Variants in SPATA9 observed in about 807,000 individuals in gnomAD.
SPATA9 encodes the protein spermatogenesis associated 9.
A neutral mutation model predicts 25.5 loss-of-function variants in SPATA9; 27 were observed. The observed-to-expected ratio is 1.06, with a 90% CI of 0.78 to 1.46. The LOEUF is 1.46. Ranked by LOEUF, SPATA9 falls within the 40% of genes most tolerant of loss-of-function variation. The pLI is 0.00. For synonymous variants in SPATA9, 102 were observed against 105.7 expected (o/e 0.97, Z 0.21); for missense variants, 282 against 297.5 (o/e 0.95, Z 0.38).
chr5:95,711,784 C>T, the SPATA9 span, among the ~76,000 whole-genome samples: 1 of 152,196 alleles, frequency 6.6e-6, no homozygotes, highest in Non-Finnish European at 1.5e-5. Flanking sequence ...TTGTGAATGG[C>T]GCATGAACGG....
intron 2 of SPATA9, 70 bp downstream of exon 2, chr5:95,682,458 A>G: frequency 1.8e-6 from 2 of 1,111,840 alleles, no homozygotes; most frequent in Non-Finnish European, 2.6e-6. Context: ...CAAGCATTAA[A>G]TAATGGGTAT....
chr5:95,663,093 T>C (rs933653424), intron 4 of SPATA9, among the ~76,000 whole-genome samples: 1 of 152,220 alleles, frequency 6.6e-6, no homozygotes, highest in East Asian at 1.9e-4. Flanking sequence ...GCAACCTTAT[T>C]CATAGTAGCC....
chr5:95,658,734 C>T lies in SPATA9; in HGVS notation c.654G>A (p.Glu218=). The T allele has an allele frequency of 2.5e-6, 4 of 1,613,808 alleles. No homozygotes were observed. Among genetic ancestry groups the T allele is most frequent in the Non-Finnish European group, 3.4e-6 (4 of 1,179,878 alleles). Residue 218 remains glutamate, a synonymous_variant, in exon 5 of 5, where the codon GAG becomes GAA. Coordinates refer to ENST00000274432, the MANE Select transcript of SPATA9 (RefSeq NM_031952.4). The stretch of plus-strand genomic sequence containing the variant: ...TGGGGTAATCTGAAATGTCTGGCTT[C>T]TCCGGCAATGACCTATAAGGTTTTG... ...IKAKPYRSLP[E]KPDISDYPKL...
upstream of SPATA9, among the ~76,000 whole-genome samples, chr5:95,700,321 AT>A (rs1301240088): frequency 1.3e-5 from 2 of 151,686 alleles, no homozygotes; most frequent in African/African-American, 4.8e-5. Flanking sequence ...TTTTGTTTAG[AT>A]GGAGTCTCAC....
chr5:95,719,985 CTTCCCATGTAGACT>C, the SPATA9 span, among the ~76,000 whole-genome samples: 1 of 152,124 alleles, frequency 6.6e-6, no homozygotes, highest in South Asian at 2.1e-4. Context: ...TAATAATGGG[CTTCCCATGTAGACT>C]TTCCTATAAG....
chr5:95,671,582 G>T (rs548690141), intron 3 of SPATA9, among the ~76,000 whole-genome samples: 1 of 152,166 alleles, frequency 6.6e-6, no homozygotes, highest in East Asian at 1.9e-4. Context: ...GCTAATGTTT[G>T]TATTTTTAGT....
chr5:95,667,321 G>GA (rs1270307189), intron 3 of SPATA9, among the ~76,000 whole-genome samples: 1 of 150,986 alleles, frequency 6.6e-6, no homozygotes, highest in Non-Finnish European at 1.5e-5. Flanking sequence ...AGAGTGGGGG[G>GA]GTGGGGGTGC....
chr5:95,680,385 A>G (rs1753340468), intron 2 of SPATA9, among the ~76,000 whole-genome samples: 1 of 152,218 alleles, frequency 6.6e-6, no homozygotes, highest in African/African-American at 2.4e-5. Context: ...TTTTCCACTT[A>G]GTGTTGGCTA....
upstream of SPATA9, among the ~76,000 whole-genome samples, chr5:95,687,243 A>G (rs1392730147): frequency 1.3e-5 from 2 of 152,232 alleles, no homozygotes; most frequent in African/African-American, 4.8e-5. Flanking sequence ...AGAGACTTGA[A>G]GTTTTGCAGA....
intron 2 of SPATA9, among the ~76,000 whole-genome samples, chr5:95,676,150 T>C (rs1342418499): frequency 6.6e-6 from 1 of 152,156 alleles, no homozygotes; most frequent in Non-Finnish European, 1.5e-5. Context: ...TATATTTTTT[T>C]CCCTGGGATA....
chr5:95,701,264 C>T (rs1754174439), upstream of SPATA9: 1 of 152,062 alleles, frequency 6.6e-6, no homozygotes, highest in Admixed American at 6.6e-5. Flanking sequence ...GGACAGTGCC[C>T]AGTGGGACAC....
At chr5:95,708,755 A>G in the SPATA9 span, 150,538 of 651,390 alleles carry the variant, frequency 0.23, 19,089 homozygotes, top group East Asian at 0.49. Flanking sequence ...GCTGGCTCTG[A>G]GAACAGTGCA....
At chr5:95,704,476 A>T in the SPATA9 span, among the ~76,000 whole-genome samples, 6 of 152,168 alleles carry the variant, frequency 3.9e-5, no homozygotes, top group African/African-American at 1.4e-4. Context: ...AACTTTTATA[A>T]TTATTTTATT....
chr5:95,730,896 G>C, the SPATA9 span: 33 of 455,982 alleles, frequency 7.2e-5, no homozygotes, highest in South Asian at 5.0e-4. Context: ...CGGCAGACGT[G>C]GTAAAGCACT....
intron 3 of SPATA9, among the ~76,000 whole-genome samples, chr5:95,669,309 A>G (rs771839950): frequency 2.6e-5 from 4 of 152,152 alleles, no homozygotes; most frequent in Non-Finnish European, 5.9e-5. Context: ...TCTAGATTAT[A>G]CCAGCCAAGT....
downstream of SPATA9, chr5:95,657,001 C>A (rs551359213): frequency 1.3e-5 from 2 of 152,280 alleles, no homozygotes; most frequent in East Asian, 3.9e-4. Flanking sequence ...GTTAAGTGAT[C>A]TGTGATCAAG....
At chr5:95,683,775 G>A (rs571738668), upstream of SPATA9, among the ~76,000 whole-genome samples, 3 of 152,202 alleles carry the variant, frequency 2.0e-5, no homozygotes, top group East Asian at 5.8e-4. Context: ...CTGACCTCAT[G>A]ATCCGCCTGC....
At chr5:95,731,426 G>A in the SPATA9 span, 8 of 1,194,608 alleles carry the variant, frequency 6.7e-6, no homozygotes, top group Non-Finnish European at 8.3e-6. Context: ...GCGGTCCCGC[G>A]CCCGGCGATG....
chr5:95,731,510 T>C, the SPATA9 span: 4 of 1,252,802 alleles, frequency 3.2e-6, no homozygotes, highest in Non-Finnish European at 4.0e-6. Context: ...GCTCGCTCGC[T>C]GGCTGGCGCG....
Sources: gnomAD v4.1 joint callset for allele counts (sites outside exome capture counted in the v4.1 genomes callset) on GRCh38, gnomAD v4.1.1 for gene constraint, MANE v1.5 for transcripts, NCBI Gene and HGNC (gene_info 2026-07-23, HGNC 2026-07-21) for gene names.